The following LPA variants were observed in gnomAD, a reference collection of about 807,000 sequenced individuals.
LPA encodes the protein apolipoprotein(a).
LPA carries 199 observed loss-of-function variants against 197.9 expected under a neutral mutation model. The ratio of observed to expected loss-of-function variants is 1.01; its 90% confidence interval spans 0.90 to 1.13. The LOEUF (loss-of-function observed/expected upper bound fraction) is 1.13. Ranked by LOEUF, LPA falls within the 50% of genes most tolerant of loss-of-function variation. LPA has a pLI of 0.00. For synonymous variants in LPA, 715 were observed against 639.5 expected (o/e 1.12, Z -1.78); for missense variants, 1,853 against 1,785.8 (o/e 1.04, Z -0.68).
chr6:160,586,595 G>A lies in LPA; in HGVS notation c.3983C>T (p.Ala1328Val). The change falls in exon 25 of 39, where the codon GCT becomes GTT. Residue 1328 changes from alanine to valine, a missense_variant. Ala to Val is a moderately conservative substitution (Grantham distance 64). Around this residue, in one of 3 missense-constraint regions of LPA, gnomAD observed 1,737 missense variants for 1,504.4 expected, o/e 1.15. Coordinates refer to ENST00000316300, the MANE Select transcript of LPA (RefSeq NM_005577.4). ...GGTATAACACCAAGGGCGAATCTCAGCATCTGGATTCCTGCAGTAGTTCCT... is the reference window on the plus strand; with the variant it reads ...GGTATAACACCAAGGGCGAATCTCAACATCTGGATTCCTGCAGTAGTTCCT... ...LTRNYCRNPD[A>V]EIRPWCYTMD... is the part of the protein sequence containing the mutation. 2 of 1,613,760 alleles carry A rather than the reference G, an allele frequency of 1.2e-6. No homozygotes were observed. Among genetic ancestry groups the A allele is most frequent in the Non-Finnish European group, 1.7e-6 (2 of 1,179,790 alleles).
chr6:160,608,308 A>G (rs545555863), intron 16 of LPA, among the ~76,000 whole-genome samples: 3 of 152,262 alleles, frequency 2.0e-5, no homozygotes, highest in South Asian at 2.1e-4. Flanking sequence ...GCAGTGCACA[A>G]CATACATTTA....
At position 160,589,566 on chromosome 6, in the gene LPA, A is replaced by G; in HGVS notation, c.3934T>C (p.Tyr1312His). 6.2e-7 allele frequency: 1 copy of G among 1,613,786 alleles called. No homozygotes were observed. Among genetic ancestry groups the G allele is most frequent in the African/African-American group, 1.3e-5 (1 of 75,018 alleles). The change falls in exon 24 of 39, where the codon TAC becomes CAC. Residue 1312 changes from tyrosine (Y) to histidine (H), a missense_variant. Around this residue, in one of 3 missense-constraint regions of LPA, gnomAD observed 1,737 missense variants for 1,504.4 expected, o/e 1.15. Transcript: ENST00000316300. ...TPHWHQRTTE[Y>H]YPNGGLTRNY... Reference sequence around the variant, plus strand: ...TCAAAGACATACCCATTTGGGTAGTATTCTGTGGTTCTCTGATGCCAGTGT... The same window carrying G: ...TCAAAGACATACCCATTTGGGTAGTGTTCTGTGGTTCTCTGATGCCAGTGT...
chr6:160,586,299 A>G, intron 25 of LPA, 150 bp downstream of exon 25: 1 of 873,712 alleles, frequency 1.1e-6, no homozygotes, highest in Non-Finnish European at 1.8e-6. Flanking sequence ...GTCCCCCCAG[A>G]GAAGGCACTG....
At chr6:160,599,053 T>C (rs1779184607) in intron 20 of LPA, among the ~76,000 whole-genome samples, 1 of 152,174 alleles carries the variant, frequency 6.6e-6, no homozygotes, top group South Asian at 2.1e-4. Context: ...GCTTAAAAAA[T>C]GTCTTCTCAG....
intron 16 of LPA, among the ~76,000 whole-genome samples, chr6:160,609,684 G>A (rs550897481): frequency 5.9e-5 from 9 of 151,938 alleles, no homozygotes; most frequent in Admixed American, 1.3e-4. Context: ...CCCACATGCA[G>A]GAAATCTTCT....
chr6:160,570,886 C>A (rs752422588), intron 28 of LPA, among the ~76,000 whole-genome samples: 6 of 152,050 alleles, frequency 3.9e-5, no homozygotes, highest in Non-Finnish European at 8.8e-5. Flanking sequence ...ATGTGGTATT[C>A]TCTGTATTTC....
intron 16 of LPA, 44 bp downstream of exon 16, chr6:160,611,518 T>A (rs371373937): frequency 6.2e-7 from 1 of 1,605,140 alleles, no homozygotes; most frequent in Non-Finnish European, 8.5e-7. Context: ...CACAGAAACT[T>A]CAGTTGGCCC....
chr6:160,559,551 A>G (rs1430044060), intron 28 of LPA, among the ~76,000 whole-genome samples: 1 of 152,210 alleles, frequency 6.6e-6, no homozygotes, highest in Admixed American at 6.5e-5. Flanking sequence ...GCAGGTTTGT[A>G]AGATAGAGGC....
intron 33 of LPA, among the ~76,000 whole-genome samples, chr6:160,544,520 C>T (rs549126510): frequency 2.6e-5 from 4 of 152,260 alleles, no homozygotes; most frequent in East Asian, 1.9e-4. Flanking sequence ...CCAAATGTGA[C>T]GATGGGCAGT....
intron 30 of LPA, among the ~76,000 whole-genome samples, chr6:160,554,214 C>G (rs1778218229): frequency 6.6e-6 from 1 of 152,012 alleles, no homozygotes; most frequent in Non-Finnish European, 1.5e-5. Flanking sequence ...ATCATATATA[C>G]AGTTTTAATT....
intron 21 of LPA, 96 bp downstream of exon 21, chr6:160,595,258 T>A (rs948956907): frequency 1.4e-6 from 2 of 1,460,046 alleles, no homozygotes; most frequent in African/African-American, 2.8e-5. Flanking sequence ...CTACTTGGAA[T>A]TGTGTGAGCA....
chr6:160,648,702 G>C (rs145884024), intron 2 of LPA, among the ~76,000 whole-genome samples: 89 of 152,024 alleles, frequency 5.9e-4, no homozygotes, highest in African/African-American at 2.1e-3. Context: ...TAGATGGGGA[G>C]GCCATCTAGT....
chr6:160,564,895 C>T (rs1242092810), intron 28 of LPA, among the ~76,000 whole-genome samples: 5 of 152,214 alleles, frequency 3.3e-5, no homozygotes, highest in Non-Finnish European at 5.9e-5. Context: ...GCCTTGCTCA[C>T]TGCTAGTACA....
chr6:160,576,386 A>ATG (rs1485164638), intron 28 of LPA, among the ~76,000 whole-genome samples: 4,779 of 53,814 alleles, frequency 0.089, 158 homozygotes, highest in Non-Finnish European at 0.1. Flanking sequence ...ATATATATAT[A>ATG]TATGTATATA....
In LPA at chr6:160,544,902, C is replaced by A. The variant is rs185579528; in HGVS notation, c.5398+538G>T. Among the ~76,000 whole-genome samples, 1,103 of 152,280 alleles carry A rather than the reference C, an allele frequency of 7.2e-3. 13 individuals are homozygous for A. The highest frequency in any genetic ancestry group is 0.026 in the African/African-American group (1,062 of 41,558). On this transcript the variant is annotated intron_variant, in intron 33 of 38. Coordinates refer to ENST00000316300, the MANE Select transcript of LPA (RefSeq NM_005577.4). The stretch of plus-strand genomic sequence containing the variant: ...AGGAACCTAACAAGCAGTCTCTAAG[C>A]AATGTCGCTAATGGGACTCATGAGT...
rs776635313 is a variant in LPA, at chr6:160,601,019, A to T, written c.3025T>A (p.Trp1009Arg). 6.2e-7 allele frequency: 1 copy of T among 1,614,040 alleles called. No homozygotes were observed. The highest frequency in any genetic ancestry group is 1.3e-5 in the African/African-American group (1 of 75,016). ...CATCGTGTCAGGTTGCAGTACTCCCACCTGACACTGGGATCTGTTGTATAA... is the reference window on the plus strand; with the variant it reads ...CATCGTGTCAGGTTGCAGTACTCCCTCCTGACACTGGGATCTGTTGTATAA... ...WCYTTDPSVRWEYCNLTRCSD... is the reference protein window; with the variant it reads ...WCYTTDPSVRREYCNLTRCSD... Residue 1009 changes from tryptophan to arginine, a missense_variant, in exon 19 of 39, where the codon TGG becomes AGG. Trp to Arg is a moderately radical substitution (Grantham distance 101). Transcript: ENST00000316300.
intron 28 of LPA, among the ~76,000 whole-genome samples, chr6:160,573,056 C>G (rs1037548864): frequency 3.9e-5 from 6 of 152,130 alleles, no homozygotes; most frequent in Non-Finnish European, 7.4e-5. Flanking sequence ...TCTTTTTCCT[C>G]AGGAGCCACG....
intron 26 of LPA, among the ~76,000 whole-genome samples, chr6:160,581,553 T>C (rs959253785): frequency 2.1e-4 from 32 of 152,164 alleles, no homozygotes; most frequent in Non-Finnish European, 4.4e-4. Context: ...CCTCTCATCT[T>C]GGCCTCCCAA....
At chr6:160,604,343 G>A (rs781243842) in intron 18 of LPA, among the ~76,000 whole-genome samples, 5 of 152,068 alleles carry the variant, frequency 3.3e-5, no homozygotes, top group Non-Finnish European at 5.9e-5. Flanking sequence ...TATTCTTTTG[G>A]TCCACTACTG....
Sources: gnomAD v4.1 joint callset for allele counts (sites outside exome capture counted in the v4.1 genomes callset) on GRCh38, gnomAD v4.1.1 for gene constraint, gnomAD v4.1.1 regional missense constraint, MANE v1.5 for transcripts, NCBI Gene and HGNC (gene_info 2026-07-23, HGNC 2026-07-21) for gene names.